Variants in RAPGEF1 observed in about 807,000 individuals in gnomAD.
RAPGEF1 encodes CRK SH3-binding GNRP.
RAPGEF1 carries 33 observed loss-of-function variants against 143.3 expected under a neutral mutation model. The observed-to-expected ratio is 0.23, with a 90% CI of 0.17 to 0.31. RAPGEF1 has a LOEUF of 0.31. Ranked by LOEUF, RAPGEF1 falls within the 10% of genes least tolerant of loss-of-function variation. The pLI, the probability that RAPGEF1 is intolerant of heterozygous loss-of-function variation, is 1.00. For synonymous variants in RAPGEF1, 629 were observed against 676.5 expected (o/e 0.93, Z 1.09); for missense variants, 1,199 against 1,645.4 (o/e 0.73, Z 4.69).
At chr9:131,607,581 T>TG (rs916737473) in intron 12 of RAPGEF1, among the ~76,000 whole-genome samples, 3 of 151,970 alleles carry the variant, frequency 2.0e-5, no homozygotes, top group South Asian at 2.1e-4. Flanking sequence ...GGCGTGCTGC[T>TG]GGGGGGGCTG....
At chr9:131,634,887 G>C (rs1342117419) in intron 5 of RAPGEF1, among the ~76,000 whole-genome samples, 1 of 152,024 alleles carries the variant, frequency 6.6e-6, no homozygotes, top group Non-Finnish European at 1.5e-5. Flanking sequence ...ATATCTCTTT[G>C]GCCTCGAGTG....
At chr9:131,592,232 G>T (rs1340842823) in intron 17 of RAPGEF1, 49 bp from the exon 18 acceptor site, 2 of 1,459,288 alleles carry the variant, frequency 1.4e-6, no homozygotes, top group South Asian at 2.3e-5. Context: ...CAGAGTGCTG[G>T]GGGGTGGTAG....
At chr9:131,708,585 A>G (rs1292397173) in intron 1 of RAPGEF1, among the ~76,000 whole-genome samples, 2 of 152,140 alleles carry the variant, frequency 1.3e-5, no homozygotes, top group Non-Finnish European at 2.9e-5. Context: ...TAAATGAAAG[A>G]TTTTACAGAA....
At chr9:131,665,818 A>G (rs1376250076) in intron 1 of RAPGEF1, among the ~76,000 whole-genome samples, 1 of 152,190 alleles carries the variant, frequency 6.6e-6, no homozygotes, top group African/African-American at 2.4e-5. Flanking sequence ...AACAAGCTGC[A>G]TCCTTCAAGC....
intron 5 of RAPGEF1, among the ~76,000 whole-genome samples, chr9:131,633,293 C>T (rs1965442528): frequency 6.6e-6 from 1 of 152,146 alleles, no homozygotes; most frequent in Non-Finnish European, 1.5e-5. Context: ...CACCCTACCG[C>T]CTGGAGGAGG....
At chr9:131,708,122 T>C (rs925575326) in intron 1 of RAPGEF1, among the ~76,000 whole-genome samples, 4 of 152,244 alleles carry the variant, frequency 2.6e-5, no homozygotes, top group South Asian at 2.1e-4. Flanking sequence ...CCACCTACTT[T>C]CTTTTTAAGA....
At chr9:131,609,805 G>A (rs771777204) in intron 12 of RAPGEF1, among the ~76,000 whole-genome samples, 1 of 151,950 alleles carries the variant, frequency 6.6e-6, no homozygotes, top group Non-Finnish European at 1.5e-5. Context: ...ACTAGTTTTC[G>A]GTGACACCTT....
At chr9:131,720,336 G>A (rs1836175432) in intron 1 of RAPGEF1, among the ~76,000 whole-genome samples, 1 of 152,082 alleles carries the variant, frequency 6.6e-6, no homozygotes, top group African/African-American at 2.4e-5. Flanking sequence ...TATTATAAGG[G>A]CAACCTTTTA....
chr9:131,583,259 T>TCTCCTGTTACGTGCCTCTC lies in RAPGEF1; in HGVS notation c.3415-576_3415-558dup. Among the ~76,000 whole-genome samples the TCTCCTGTTACGTGCCTCTC allele has an allele frequency of 6.6e-6, 1 of 152,172 alleles. No individual in the cohort carries two copies. Among genetic ancestry groups the TCTCCTGTTACGTGCCTCTC allele is most frequent in the Admixed American group, 6.5e-5 (1 of 15,286 alleles). ...CTCAGAAGGCCCCTCTCCTGCCTCT[T>TCTCCTGTTACGTGCCTCTC]CTCCTGTTACGTGCCTCTCCCTGAA... On this transcript the variant is annotated intron_variant, in intron 24 of 26. Coordinates refer to ENST00000683357, the MANE Select transcript of RAPGEF1 (RefSeq NM_001377935.1). The surrounding 1 kb of genome is among the most constrained non-coding windows in gnomAD (Gnocchi z 4.7).
At chr9:131,732,190 A>G (rs1223197568) in intron 1 of RAPGEF1, among the ~76,000 whole-genome samples, 2 of 152,122 alleles carry the variant, frequency 1.3e-5, no homozygotes, top group African/African-American at 2.4e-5. Flanking sequence ...TCCTGGGAAA[A>G]GAGAGTAATG....
chr9:131,692,595 G>C (rs1210384273), intron 1 of RAPGEF1, among the ~76,000 whole-genome samples: 1 of 152,200 alleles, frequency 6.6e-6, no homozygotes, highest in Non-Finnish European at 1.5e-5. Flanking sequence ...CTGCAAACCA[G>C]GACAAGCTGA....
In RAPGEF1 at chr9:131,579,441, T is replaced by C. The variant is rs1236162668; in HGVS notation, c.*56A>G. 2 of 1,590,906 alleles carry C rather than the reference T, an allele frequency of 1.3e-6. No individual in the cohort carries two copies. Among genetic ancestry groups the C allele is most frequent in the East Asian group, 4.5e-5 (2 of 44,654 alleles). ...CTAACAGGTCCAAGGTCCTCTCCGG[T>C]CTGGGAGCTGCCCTCTGCGCCCCTC... On this transcript the variant is annotated 3_prime_UTR_variant, in exon 27 of 27. Transcript: ENST00000683357.
At chr9:131,615,367 C>T (rs1958803865) in intron 12 of RAPGEF1, among the ~76,000 whole-genome samples, 1 of 152,170 alleles carries the variant, frequency 6.6e-6, no homozygotes, top group Non-Finnish European at 1.5e-5. Flanking sequence ...AGCCACTGCA[C>T]CCAGCCGGAG....
At chr9:131,679,862 C>T (rs1362702165) in intron 1 of RAPGEF1, among the ~76,000 whole-genome samples, 1 of 152,200 alleles carries the variant, frequency 6.6e-6, no homozygotes, top group African/African-American at 2.4e-5. Context: ...CAAAGCTAGC[C>T]AGGAAGAATG....
chr9:131,594,587 T>C (rs1362020641), intron 17 of RAPGEF1, among the ~76,000 whole-genome samples: 4 of 152,238 alleles, frequency 2.6e-5, no homozygotes, highest in Non-Finnish European at 5.9e-5. Flanking sequence ...AGGATGCACC[T>C]GCCCAAGGAG....
Position 131,578,772 on chromosome 9 carries a change from G to A in RAPGEF1, c.*725C>T, listed in dbSNP as rs1157483740. On this transcript the variant is annotated 3_prime_UTR_variant, in exon 27 of 27. Transcript: ENST00000683357. ...CCAGGTGGTGTGGGAGGGGCCCAGTGGCCTGGGGTGGGGGGTAAGGGGCGA... is the reference window on the plus strand; with the variant it reads ...CCAGGTGGTGTGGGAGGGGCCCAGTAGCCTGGGGTGGGGGGTAAGGGGCGA... 1 of 152,482 alleles carries A rather than the reference G, an allele frequency of 6.6e-6. No individual in the cohort carries two copies. The highest frequency in any genetic ancestry group is 1.5e-5 in the Non-Finnish European group (1 of 68,258). The allele number at this position is 152,482 out of a possible 1,614,324, so 9.4% of individuals were successfully genotyped here.
intron 9 of RAPGEF1, among the ~76,000 whole-genome samples, chr9:131,627,234 A>G (rs1963456222): frequency 1.5e-5 from 2 of 129,114 alleles, no homozygotes; most frequent in East Asian, 2.1e-4. Context: ...AAAAAAAAAA[A>G]AAAAAAAGAA....
At chr9:131,615,784 A>T (rs112944767) in intron 12 of RAPGEF1, among the ~76,000 whole-genome samples, 115 of 152,228 alleles carry the variant, frequency 7.6e-4, no homozygotes, top group African/African-American at 2.5e-3. Flanking sequence ...AGCTCCTAAA[A>T]ATCCCGACTG....
chr9:131,695,368 G>A (rs567668119), intron 1 of RAPGEF1, among the ~76,000 whole-genome samples: 3 of 152,284 alleles, frequency 2.0e-5, no homozygotes, highest in East Asian at 1.9e-4. Flanking sequence ...CAGGCCACAC[G>A]ATAGAGGTCA....
Sources: gnomAD v4.1 joint callset for allele counts (sites outside exome capture counted in the v4.1 genomes callset) on GRCh38, gnomAD v4.1.1 for gene constraint, Gnocchi (gnomAD v3.1) non-coding constraint, MANE v1.5 for transcripts, NCBI Gene and HGNC (gene_info 2026-07-23, HGNC 2026-07-21) for gene names.